Variants in C1orf87 observed in about 807,000 individuals in gnomAD.
The protein encoded by C1orf87 is uncharacterized protein C1orf87.
Under a neutral mutation model 60.5 loss-of-function variants are expected in C1orf87, and 58 were observed. That is an observed-to-expected ratio of 0.96 (90% CI 0.78 to 1.19). The LOEUF (loss-of-function observed/expected upper bound fraction) is 1.19. Ranked by LOEUF, C1orf87 falls within the 50% of genes most tolerant of loss-of-function variation. The pLI is 0.00. For synonymous variants in C1orf87, 236 were observed against 227.4 expected, an observed-to-expected ratio of 1.04 and a Z score of -0.34; for missense variants, 673 against 638.6, an observed-to-expected ratio of 1.05 and a Z score of -0.58.
chr1:60,038,075 G>A lies in C1orf87; in HGVS notation c.780C>T (p.Asn260=), dbSNP rs756840173. 6.9e-6 allele frequency: 11 copies of A among 1,582,892 alleles called. No individual in the cohort carries two copies. Among genetic ancestry groups the A allele is most frequent in the African/African-American group, 5.4e-5 (4 of 74,592 alleles). The change falls in exon 6 of 12, where the codon AAC becomes AAT. Residue 260 remains asparagine, a synonymous_variant. Transcript: ENST00000371201. ...VNYEKLLWFL[N]SAASDYPQQN... ...GCTGTGGATAATCTGATGCTGCACTGTTTAAAAACCAGAGTAGCTTTTCAT... is the reference window on the plus strand; with the variant it reads ...GCTGTGGATAATCTGATGCTGCACTATTTAAAAACCAGAGTAGCTTTTCAT...
intron 3 of C1orf87, among the ~76,000 whole-genome samples, chr1:60,046,440 CTTCTT>C (rs1557474346): frequency 1.1e-5 from 1 of 89,978 alleles, no homozygotes; most frequent in African/African-American, 4.3e-5. Flanking sequence ...CTTCCTTCTT[CTTCTT>C]TTTTTTTTTT....
At chr1:60,064,291 A>ATATATATTTTATATATAATATATAAAT (rs1459417331) in intron 2 of C1orf87, among the ~76,000 whole-genome samples, 2 of 129,586 alleles carry the variant, frequency 1.5e-5, no homozygotes, top group African/African-American at 6.0e-5. Context: ...TATATATTAT[A>ATATATATTTTATATATAATATATAAAT]TATATATTTT....
At chr1:60,011,985 A>C (rs1435838517) in intron 8 of C1orf87, among the ~76,000 whole-genome samples, 1 of 152,086 alleles carries the variant, frequency 6.6e-6, no homozygotes, top group Non-Finnish European at 1.5e-5. Context: ...CTAGGCAGGT[A>C]AGAGAAAGTT....
intron 8 of C1orf87, among the ~76,000 whole-genome samples, chr1:60,022,228 G>A (rs763298698): frequency 2.0e-5 from 3 of 151,646 alleles, no homozygotes; most frequent in Non-Finnish European, 2.9e-5. Flanking sequence ...GTGGGAGTGA[G>A]GATAAACTAG....
intron 11 of C1orf87, among the ~76,000 whole-genome samples, chr1:59,993,993 A>C (rs1221660823): frequency 6.6e-6 from 1 of 152,088 alleles, no homozygotes; most frequent in Non-Finnish European, 1.5e-5. Context: ...TCCTGACCTC[A>C]GGTGATCCAC....
rs773897823 is a variant in C1orf87, at chr1:60,001,181, A to AC, written c.1193-26_1193-25insG. The AC allele has an allele frequency of 9.7e-6, 14 of 1,441,490 alleles. No homozygotes were observed. The East Asian group carries it at 2.6e-4, about 27-fold the overall frequency. 89.3% of individuals were successfully genotyped at this position (1,441,490 alleles called of 1,614,324 possible). On this transcript the variant is annotated intron_variant, in intron 9 of 11. Transcript: ENST00000371201. ...CCTGAACAAGAATAAAAAAAAAAAA[A>AC]GGAAGGGTTTAGCTTGGTCTCTTCA...
intron 8 of C1orf87, among the ~76,000 whole-genome samples, chr1:60,018,720 G>T (rs1354464119): frequency 6.6e-6 from 1 of 152,032 alleles, no homozygotes; most frequent in African/African-American, 2.4e-5. Context: ...CACCCCCAAG[G>T]TTTCAAAGAA....
chr1:60,068,361 T>C (rs1645562822), intron 2 of C1orf87, among the ~76,000 whole-genome samples: 1 of 152,244 alleles, frequency 6.6e-6, no homozygotes, highest in Non-Finnish European at 1.5e-5. Flanking sequence ...TGCCAAGGCT[T>C]GTCAGCTTTC....
chr1:59,995,131 G>A (rs1022472865), intron 11 of C1orf87, among the ~76,000 whole-genome samples: 5 of 152,296 alleles, frequency 3.3e-5, no homozygotes, highest in South Asian at 2.1e-4. Context: ...TCCTCAGAAC[G>A]GTTCAGAAGC....
intron 2 of C1orf87, among the ~76,000 whole-genome samples, chr1:60,061,385 C>T (rs1645495420): frequency 1.3e-5 from 2 of 151,970 alleles, no homozygotes; most frequent in East Asian, 3.9e-4. Context: ...AAAAAAATTT[C>T]CAATTGACAA....
chr1:60,004,419 A>G (rs1645028443), intron 9 of C1orf87, among the ~76,000 whole-genome samples: 1 of 152,010 alleles, frequency 6.6e-6, no homozygotes, highest in African/African-American at 2.4e-5. Flanking sequence ...AGAAACTAAC[A>G]TTAATTATGA....
chr1:60,059,285 G>A (rs1485130541), intron 2 of C1orf87, among the ~76,000 whole-genome samples: 1 of 152,098 alleles, frequency 6.6e-6, no homozygotes, highest in Non-Finnish European at 1.5e-5. Flanking sequence ...TCAAAAGAAG[G>A]GGGGAAAAAC....
intron 11 of C1orf87, among the ~76,000 whole-genome samples, chr1:59,992,622 A>G (rs1644932131): frequency 6.6e-6 from 1 of 152,174 alleles, no homozygotes; most frequent in Admixed American, 6.5e-5. Context: ...AAGAATCCAG[A>G]GGCAGTGCCT....
intron 3 of C1orf87, among the ~76,000 whole-genome samples, chr1:60,052,573 C>G (rs1645422198): frequency 6.6e-6 from 1 of 152,172 alleles, no homozygotes; most frequent in Admixed American, 6.5e-5. Context: ...TTACTTACTT[C>G]CTACCAATGA....
intron 3 of C1orf87, among the ~76,000 whole-genome samples, chr1:60,047,732 C>CAAAAAAAAAAA (rs11415374): frequency 6.9e-6 from 1 of 145,786 alleles, no homozygotes; most frequent in South Asian, 2.2e-4. Context: ...ATAGCAAGTC[C>CAAAAAAAAAAA]AAAAAAAAAA....
chr1:60,020,062 A>G (rs1645151806), intron 8 of C1orf87, among the ~76,000 whole-genome samples: 1 of 152,232 alleles, frequency 6.6e-6, no homozygotes, highest in Non-Finnish European at 1.5e-5. Context: ...GGAGCTATAT[A>G]TTAATAGCTA....
At chr1:60,055,477 A>C in intron 2 of C1orf87, 39 bp from the exon 3 acceptor site, 1 of 1,560,898 alleles carries the variant, frequency 6.4e-7, no homozygotes, top group Non-Finnish European at 8.8e-7. Context: ...ACTTACAGGC[A>C]GACTCCTCAT....
intron 8 of C1orf87, among the ~76,000 whole-genome samples, chr1:60,015,355 T>C (rs1025050399): frequency 6.6e-6 from 1 of 152,192 alleles, no homozygotes; most frequent in Non-Finnish European, 1.5e-5. Context: ...GATCTTGGAC[T>C]TCCTGGCCTC....
intron 10 of C1orf87, among the ~76,000 whole-genome samples, chr1:59,998,102 G>A (rs1644975944): frequency 6.8e-6 from 1 of 146,942 alleles, no homozygotes; most frequent in South Asian, 2.2e-4. Flanking sequence ...AACTGACTGA[G>A]GCTTTTCATG....
Sources: allele counts gnomAD v4.1 joint callset (sites outside exome capture counted in the v4.1 genomes callset), GRCh38; gene constraint gnomAD v4.1.1; transcripts MANE v1.5; gene names NCBI Gene and HGNC (gene_info 2026-07-23, HGNC 2026-07-21).